The following BTBD7 variants were observed in gnomAD, a reference collection of about 807,000 sequenced individuals.
BTBD7 encodes BTB/POZ domain-containing protein 7.
Under a neutral mutation model 99.9 loss-of-function variants are expected in BTBD7, and 38 were observed. That is an observed-to-expected ratio of 0.38 (90% CI 0.29 to 0.50). BTBD7 has a LOEUF of 0.50. Among genes scored for constraint, BTBD7 ranks in the 20% least tolerant of loss-of-function variants. BTBD7 has a pLI of 0.93. For synonymous variants in BTBD7, 520 were observed against 511.4 expected (o/e 1.02, Z -0.23); for missense variants, 1,170 against 1,394.6 (o/e 0.84, Z 2.57).
chr14:93,287,308 C>T (rs2139752600), intron 3 of BTBD7, among the ~76,000 whole-genome samples: 1 of 146,532 alleles, frequency 6.8e-6, no homozygotes, highest in African/African-American at 2.6e-5. Flanking sequence ...ACAATGCTAA[C>T]CCTAAACCCC....
At chr14:93,283,267 C>T (rs547147019) in intron 3 of BTBD7, among the ~76,000 whole-genome samples, 3 of 152,180 alleles carry the variant, frequency 2.0e-5, no homozygotes, top group South Asian at 2.1e-4. Context: ...TTTTTAGAGA[C>T]GTGGTTTTGC....
chr14:93,270,256 C>A (rs549414900), intron 3 of BTBD7, among the ~76,000 whole-genome samples: 1 of 151,958 alleles, frequency 6.6e-6, no homozygotes, highest in Non-Finnish European at 1.5e-5. Context: ...CCACAACACC[C>A]GGCTAACTTT....
intron 6 of BTBD7, chr14:93,256,848 T>A (rs2052435743): frequency 1.0e-5 from 2 of 199,114 alleles, no homozygotes; most frequent in African/African-American, 4.6e-5. Context: ...ACTCTCTGAT[T>A]CACTGCTGTT....
intron 1 of BTBD7, among the ~76,000 whole-genome samples, chr14:93,319,524 AATACTAC>A (rs2053246073): frequency 6.6e-6 from 1 of 152,212 alleles, no homozygotes. Flanking sequence ...CAGAAAGACA[AATACTAC>A]ATAATTCCAC....
chr14:93,255,277 C>G (rs972887318), intron 6 of BTBD7, among the ~76,000 whole-genome samples: 1 of 152,096 alleles, frequency 6.6e-6, no homozygotes, highest in Non-Finnish European at 1.5e-5. Flanking sequence ...TCTCAGGTAG[C>G]TGGGACTACA....
chr14:93,325,034 T>C (rs1595345170), intron 1 of BTBD7, among the ~76,000 whole-genome samples: 1 of 151,620 alleles, frequency 6.6e-6, no homozygotes, highest in African/African-American at 2.4e-5. Flanking sequence ...TTCTATAAAC[T>C]CTTGTGAGTC....
chr14:93,296,166 G>T lies in BTBD7; in HGVS notation c.-106-9C>A, dbSNP rs2052924261. 2 of 1,302,062 alleles carry T rather than the reference G, an allele frequency of 1.5e-6. No individual in the cohort carries two copies. The highest frequency in any genetic ancestry group is 3.1e-5 in the African/African-American group (2 of 65,372). 80.7% of individuals were successfully genotyped at this position (1,302,062 alleles called of 1,614,324 possible). On this transcript the variant is annotated splice_polypyrimidine_tract_variant and intron_variant, in intron 1 of 10. Coordinates refer to ENST00000334746, the MANE Select transcript of BTBD7 (RefSeq NM_001002860.4). ...CCTCTTTTCATCCATTTCTTGATAT[G>T]AAATAAAAATAATTTAATTCATTTT...
intron 1 of BTBD7, among the ~76,000 whole-genome samples, chr14:93,312,034 A>C (rs1402764047): frequency 6.6e-6 from 1 of 151,608 alleles, no homozygotes; most frequent in Non-Finnish European, 1.5e-5. Context: ...TGCCTGCCCC[A>C]TATGTAACTT....
At chr14:93,327,784 G>C (rs2053350708) in intron 1 of BTBD7, among the ~76,000 whole-genome samples, 1 of 151,996 alleles carries the variant, frequency 6.6e-6, no homozygotes, top group Non-Finnish European at 1.5e-5. Context: ...CTGAGATTAG[G>C]CAAGGAAAAA....
chr14:93,266,342 A>G (rs2139711216), intron 3 of BTBD7, among the ~76,000 whole-genome samples: 1 of 152,274 alleles, frequency 6.6e-6, no homozygotes, highest in Non-Finnish European at 1.5e-5. Flanking sequence ...GCACTGACCA[A>G]ACTGCAAGAG....
chr14:93,278,177 C>A lies in BTBD7; in HGVS notation c.1163-14184G>T, dbSNP rs565284587. 7.2e-5 allele frequency among the ~76,000 whole-genome samples: 11 copies of A among 152,150 alleles called. No homozygotes were observed. In the East Asian group the frequency reaches 2.1e-3, roughly 29 times the overall value. On this transcript the variant is annotated intron_variant, in intron 3 of 10. Transcript: ENST00000334746. ...CCTCTAATCCCAGCACTTTGGGAAG[C>A]CGAGGTGGGTGGATCACTTGAGGTC... is the stretch of plus-strand genomic sequence containing the variant.
chr14:93,273,381 C>T (rs868270760), intron 3 of BTBD7, among the ~76,000 whole-genome samples: 6 of 152,200 alleles, frequency 3.9e-5, no homozygotes, highest in Non-Finnish European at 7.3e-5. Flanking sequence ...TCTTCAAAGT[C>T]TGAAGACTTC....
At chr14:93,303,232 T>C (rs2053026404) in intron 1 of BTBD7, among the ~76,000 whole-genome samples, 2 of 152,162 alleles carry the variant, frequency 1.3e-5, no homozygotes. Flanking sequence ...TAAGTGTTAA[T>C]AAGGTCCTGG....
rs138060316 is a variant in BTBD7 at position 93,279,467 on chromosome 14, T to C, written c.1162+14391A>G. On this transcript the variant is annotated intron_variant, in intron 3 of 10. Transcript: ENST00000334746. Reference sequence around the variant, plus strand: ...TGGGGTCTGGGGCTTCTCGTCCTCCTAGGTACTCCCCCAGCACCCAGTGTT... The same window carrying C: ...TGGGGTCTGGGGCTTCTCGTCCTCCCAGGTACTCCCCCAGCACCCAGTGTT... 3.9e-5 allele frequency among the ~76,000 whole-genome samples: 6 copies of C among 152,302 alleles called. No individual in the cohort carries two copies. In the East Asian group the frequency reaches 1.2e-3, roughly 29 times the overall value.
intron 5 of BTBD7, among the ~76,000 whole-genome samples, chr14:93,260,843 G>C (rs1057382304): frequency 2.0e-5 from 3 of 152,024 alleles, no homozygotes; most frequent in African/African-American, 7.2e-5. Flanking sequence ...GTGAGCCACT[G>C]CACCCAGCCT....
chr14:93,309,838 T>C (rs2053117975), intron 1 of BTBD7, among the ~76,000 whole-genome samples: 1 of 152,136 alleles, frequency 6.6e-6, no homozygotes, highest in Non-Finnish European at 1.5e-5. Context: ...TTTTCCTTCC[T>C]TTGCAGGAGA....
intron 1 of BTBD7, among the ~76,000 whole-genome samples, chr14:93,328,278 T>A (rs1475194705): frequency 1.3e-5 from 2 of 152,154 alleles, no homozygotes. Flanking sequence ...AAAATTCATA[T>A]GGCATCTCAA....
intron 1 of BTBD7, among the ~76,000 whole-genome samples, chr14:93,318,496 GA>G (rs879401363): frequency 1.3e-5 from 2 of 152,180 alleles, no homozygotes; most frequent in Admixed American, 6.5e-5. Context: ...CTACAAATTT[GA>G]AAGTTTCAGC....
intron 1 of BTBD7, chr14:93,332,282 T>C (rs1309692209): frequency 4.6e-5 from 7 of 152,268 alleles, no homozygotes; most frequent in Admixed American, 4.6e-4. Context: ...AATTCCAGGT[T>C]TATCCCGCAA....
Sources: allele counts gnomAD v4.1 joint callset (sites outside exome capture counted in the v4.1 genomes callset), GRCh38; gene constraint gnomAD v4.1.1; transcripts MANE v1.5; gene names NCBI Gene and HGNC (gene_info 2026-07-23, HGNC 2026-07-21).